GHITM: variants seen among roughly 807,000 people sequenced by gnomAD.
GHITM encodes the protein growth hormone inducible transmembrane protein.
Under a neutral mutation model 38.7 loss-of-function variants are expected in GHITM, and 24 were observed. The ratio of observed to expected loss-of-function variants is 0.62; its 90% CI spans 0.45 to 0.87. GHITM has a LOEUF of 0.87. GHITM is among the 40% of genes least tolerant of loss of function. The pLI is 0.00. For synonymous variants in GHITM, 154 were observed against 147.8 expected (o/e 1.04, Z -0.30); for missense variants, 420 against 429.8 (o/e 0.98, Z 0.20).
intron 4 of GHITM, among the ~76,000 whole-genome samples, chr10:84,144,373 G>GGA (rs768272055): frequency 1.1e-4 from 16 of 151,870 alleles, no homozygotes; most frequent in Non-Finnish European, 7.4e-5. Flanking sequence ...TTGTTTTTTT[G>GGA]GAGAGAGAGT....
chr10:84,148,185 C>T (rs1841575170), intron 5 of GHITM, among the ~76,000 whole-genome samples: 4 of 152,178 alleles, frequency 2.6e-5, no homozygotes, highest in African/African-American at 4.8e-5. Flanking sequence ...TGCAAAACCT[C>T]ATATATGGCA....
At chr10:84,141,373 C>A in intron 1 of GHITM, 89 bp from the exon 2 acceptor site, 1 of 708,726 alleles carries the variant, frequency 1.4e-6, no homozygotes, top group Non-Finnish European at 2.4e-6. Flanking sequence ...TGTTCCTTGA[C>A]TCTGACTCTC....
chr10:84,146,482 C>T (rs1841557694), intron 5 of GHITM, among the ~76,000 whole-genome samples: 1 of 152,154 alleles, frequency 6.6e-6, no homozygotes, highest in African/African-American at 2.4e-5. Context: ...ATATTATTTT[C>T]ACTGTGTTGT....
chr10:84,143,269 C>A (rs1841525910), intron 3 of GHITM, among the ~76,000 whole-genome samples: 1 of 152,198 alleles, frequency 6.6e-6, no homozygotes, highest in Non-Finnish European at 1.5e-5. Flanking sequence ...TAAAGCTATT[C>A]AAAGAATACC....
intron 6 of GHITM, 32 bp downstream of exon 6, chr10:84,148,870 C>A: frequency 7.7e-7 from 1 of 1,290,996 alleles, no homozygotes. Context: ...TACGAGACAA[C>A]CTTGACTACC....
Position 84,144,014 on chromosome 10 carries a change from G to C in GHITM, c.249G>C (p.Trp83Cys). 6.2e-7 allele frequency: 1 copy of C among 1,613,746 alleles called. No individual in the cohort carries two copies. The highest frequency in any genetic ancestry group is 8.5e-7 in the Non-Finnish European group (1 of 1,179,612). Residue 83 changes from tryptophan to cysteine, a missense_variant, in exon 4 of 9, where the codon TGG becomes TGC. Coordinates refer to ENST00000372134, the MANE Select transcript of GHITM (RefSeq NM_014394.3). ...KIFKIDQMGR[W>C]FVAGGAAVGL... is the part of the protein sequence containing the mutation. ...CTGCAGTTGATCAGATGGGAAGATG[G>C]TTTGTTGCTGGAGGGGCTGCTGTTG... is the stretch of plus-strand genomic sequence containing the variant.
chr10:84,143,601 A>G (rs751302435), intron 3 of GHITM, among the ~76,000 whole-genome samples: 13 of 152,204 alleles, frequency 8.5e-5, no homozygotes, highest in Non-Finnish European at 1.9e-4. Context: ...TTGTGTTAAT[A>G]CCATGCAGTA....
At chr10:84,144,217 A>G (rs1300796331) in intron 4 of GHITM, 111 bp downstream of exon 4, 1 of 679,766 alleles carries the variant, frequency 1.5e-6, no homozygotes, top group Non-Finnish European at 2.7e-6. Context: ...TTTTGTGTCT[A>G]GTCTTTGTGT....
At chr10:84,146,235 C>T (rs1841555752) in intron 5 of GHITM, among the ~76,000 whole-genome samples, 1 of 152,078 alleles carries the variant, frequency 6.6e-6, no homozygotes, top group Non-Finnish European at 1.5e-5. Flanking sequence ...ATACAGTTGT[C>T]AAGCTGAGGA....
At position 84,152,293 on chromosome 10, in the gene GHITM, A is replaced by G; in HGVS notation, c.983A>G (p.Asn328Ser). The G allele has an allele frequency of 1.2e-6, 2 of 1,603,076 alleles. No individual in the cohort carries two copies. Among genetic ancestry groups the G allele is most frequent in the Non-Finnish European group, 1.7e-6 (2 of 1,171,048 alleles). Residue 328 changes from asparagine (N) to serine (S), a missense_variant, in exon 9 of 9, where the codon AAT becomes AGT. Coordinates refer to ENST00000372134, the MANE Select transcript of GHITM (RefSeq NM_014394.3). ...CTGAGTATCTACATGGATACATTAA[A>G]TATATTTATGCGAGTTGCAACTATG... The part of the protein sequence containing the change: ...SMLSIYMDTL[N>S]IFMRVATMLA...
chr10:84,148,789 A>T lies in GHITM; in HGVS notation c.543A>T (p.Pro181=). The change falls in exon 6 of 9, where the codon CCA becomes CCT. Residue 181 remains proline, a synonymous_variant. Coordinates refer to ENST00000372134, the MANE Select transcript of GHITM (RefSeq NM_014394.3). ...CTGGAATGCTGGTACGATCAATACC[A>T]TATGACCAGAGCCCAGGCCCAAAGC... ...VGAGMLVRSI[P]YDQSPGPKHL... 6.2e-7 allele frequency: 1 copy of T among 1,613,414 alleles called. No homozygotes were observed. The highest frequency in any genetic ancestry group is 8.5e-7 in the Non-Finnish European group (1 of 1,179,306).
chr10:84,141,662 C>CT, intron 2 of GHITM, 33 bp downstream of exon 2: 2 of 1,608,630 alleles, frequency 1.2e-6, no homozygotes, highest in South Asian at 2.2e-5. Context: ...TATATTGCTT[C>CT]TTTTTCCATT....
chr10:84,143,722 G>A (rs921956723), intron 3 of GHITM, among the ~76,000 whole-genome samples: 2 of 152,086 alleles, frequency 1.3e-5, no homozygotes, highest in Non-Finnish European at 2.9e-5. Context: ...GTAGCTCCAC[G>A]TCTACAGGTA....
intron 6 of GHITM, among the ~76,000 whole-genome samples, chr10:84,149,785 A>G (rs568173384): frequency 6.6e-6 from 1 of 152,374 alleles, no homozygotes; most frequent in East Asian, 1.9e-4. Context: ...TCAAATAGCT[A>G]CATGGAATTT....
chr10:84,141,421 C>G, intron 1 of GHITM, 41 bp from the exon 2 acceptor site: 1 of 1,325,786 alleles, frequency 7.5e-7, no homozygotes, highest in Non-Finnish European at 1.1e-6. Flanking sequence ...GGTTGTTTTA[C>G]TTATGTTTTT....
At chr10:84,140,688 G>C (rs1841497627) in intron 1 of GHITM, 1 of 151,628 alleles carries the variant, frequency 6.6e-6, no homozygotes, top group South Asian at 2.1e-4. Context: ...CAGAAACACT[G>C]TCTGCTGACT....
intron 3 of GHITM, among the ~76,000 whole-genome samples, chr10:84,143,713 T>G (rs1442955120): frequency 1.3e-5 from 2 of 152,206 alleles, no homozygotes; most frequent in South Asian, 2.1e-4. Flanking sequence ...ATCACAGAAG[T>G]AGCTCCACGT....
intron 5 of GHITM, among the ~76,000 whole-genome samples, chr10:84,148,296 T>A (rs914230723): frequency 4.1e-5 from 6 of 147,514 alleles, no homozygotes; most frequent in Admixed American, 1.3e-4. Flanking sequence ...TTTTTATTTT[T>A]TATTTTTTTA....
chr10:84,148,841 A>AT lies in GHITM; in HGVS notation c.592+4dup. 1 of 1,567,712 alleles carries AT rather than the reference A, an allele frequency of 6.4e-7. No homozygotes were observed. The highest frequency in any genetic ancestry group is 8.8e-7 in the Non-Finnish European group (1 of 1,137,924). On this transcript the variant is annotated splice_donor_region_variant and intron_variant, in intron 6 of 8. Coordinates refer to ENST00000372134, the MANE Select transcript of GHITM (RefSeq NM_014394.3). ...TCTTGCTTGGTTGCTACATTCTGGT[A>AT]TGTTCTGTTTTAAATTGTTACGAGA...
Sources: allele counts gnomAD v4.1 joint callset (sites outside exome capture counted in the v4.1 genomes callset), GRCh38; gene constraint gnomAD v4.1.1; transcripts MANE v1.5; gene names NCBI Gene and HGNC (gene_info 2026-07-23, HGNC 2026-07-21).